Variants in DNMBP observed in about 807,000 individuals in gnomAD.
DNMBP encodes dynamin binding protein.
In DNMBP, 87 loss-of-function variants were observed where a neutral mutation model predicts 150.0. The observed-to-expected ratio is 0.58, with a 90% CI of 0.49 to 0.69. DNMBP has a LOEUF of 0.69. Ranked by LOEUF, DNMBP falls within the 30% of genes least tolerant of loss-of-function variation. DNMBP has a pLI of 0.00. For synonymous variants in DNMBP, 711 were observed against 750.4 expected (o/e 0.95, Z 0.86); for missense variants, 1,774 against 1,949.0 (o/e 0.91, Z 1.69).
At chr10:99,965,047 G>T (rs546321209) in intron 3 of DNMBP, among the ~76,000 whole-genome samples, 7 of 152,076 alleles carry the variant, frequency 4.6e-5, no homozygotes, top group Non-Finnish European at 8.8e-5. Context: ...AAACTTCACA[G>T]ACTTATCCCA....
At chr10:99,930,776 TAAAGAC>T in intron 4 of DNMBP, 2 of 641,182 alleles carry the variant, frequency 3.1e-6, no homozygotes, top group Middle Eastern at 2.5e-4. Flanking sequence ...TCTATGTGCT[TAAAGAC>T]AAAGGTTTTA....
rs1046218427 is a variant in DNMBP at position 99,929,713 on chromosome 10, T to C, written c.2261-20567A>G. 6 of 702,942 alleles carry C rather than the reference T, an allele frequency of 8.5e-6. No homozygotes were observed. In the African/African-American group the frequency reaches 1.0e-4, roughly 12 times the overall value. The allele number at this position is 702,942 out of a possible 1,614,324, so 43.5% of individuals were successfully genotyped here. A position where few individuals can be genotyped will look rare whatever the true frequency, so the allele number is the denominator to read the frequency against. On this transcript the variant is annotated intron_variant, in intron 4 of 16. Transcript: ENST00000324109. ...CTCCAAGTCTCTGGGCCATTTAATTTTTTCTCTTCCTCTAAATGCCAGATG... is the reference window on the plus strand; with the variant it reads ...CTCCAAGTCTCTGGGCCATTTAATTCTTTCTCTTCCTCTAAATGCCAGATG...
intron 1 of DNMBP, among the ~76,000 whole-genome samples, chr10:99,998,503 C>A (rs1178519594): frequency 6.7e-6 from 1 of 149,674 alleles, no homozygotes; most frequent in Non-Finnish European, 1.5e-5. Context: ...TCGCTAGAGC[C>A]CAGGAGGCAA....
Position 99,877,258 on chromosome 10 carries a change from G to C in DNMBP, c.4627C>G (p.Leu1543Val), listed in dbSNP as rs2039290644. ...SVSANQKLKI[L>V]EFKDVTGNTE... Reference sequence around the variant, plus strand: ...TTTCCTGTAACATCTTTAAACTCGAGGATCTTGAGTTTCTGATTGGCTGAC... The same window carrying C: ...TTTCCTGTAACATCTTTAAACTCGACGATCTTGAGTTTCTGATTGGCTGAC... The change falls in exon 17 of 17, where the codon CTC (leucine) becomes GTC (valine). Residue 1543 changes from leucine (L) to valine (V), a missense_variant. Leu to Val is a conservative substitution (Grantham distance 32, BLOSUM62 1). Around this residue, in one of 2 missense-constraint regions of DNMBP, gnomAD observed 1,430 missense variants for 1,492.5 expected, o/e 0.96. Coordinates refer to ENST00000324109, the MANE Select transcript of DNMBP (RefSeq NM_015221.4). 1 of 1,613,906 alleles carries C rather than the reference G, an allele frequency of 6.2e-7. No homozygotes were observed. The highest frequency in any genetic ancestry group is 8.5e-7 in the Non-Finnish European group (1 of 1,180,000).
chr10:99,915,202 TAC>T (rs1323231117), intron 4 of DNMBP, among the ~76,000 whole-genome samples: 142 of 121,156 alleles, frequency 1.2e-3, no homozygotes, highest in African/African-American at 4.5e-3. Context: ...TACACACATA[TAC>T]ATATATACAT....
rs186896104 is a variant in DNMBP at position 99,987,542 on chromosome 10, T to C, written c.-10-15408A>G. 2.6e-5 allele frequency among the ~76,000 whole-genome samples: 4 copies of C among 152,182 alleles called. 1 individual carries two copies. The East Asian group carries it at 7.7e-4, about 29-fold the overall frequency. On this transcript the variant is annotated intron_variant, in intron 1 of 16. Transcript: ENST00000324109. ...TGAGGTCAGGAGTTCGAGACCAACA[T>C]GGCCAACATGGCAAAACCCTGTCTC...
intron 1 of DNMBP, among the ~76,000 whole-genome samples, chr10:99,998,303 C>T (rs754090540): frequency 2.7e-5 from 4 of 150,852 alleles, no homozygotes; most frequent in Admixed American, 6.6e-5. Flanking sequence ...AACGGCCGGG[C>T]GCAGTGGCTC....
chr10:99,908,140 A>C (rs115746989), intron 5 of DNMBP, 46 bp from the exon 6 acceptor site: 2 of 1,363,168 alleles, frequency 1.5e-6, no homozygotes, highest in Admixed American at 1.7e-5. Context: ...AATGAGCTTA[A>C]TGGCATTTCA....
chr10:99,956,276 A>C lies in DNMBP; in HGVS notation c.1198T>G (p.Ser400Ala), dbSNP rs1405966152. The C allele has an allele frequency of 6.2e-7, 1 of 1,611,220 alleles. No homozygotes were observed. The highest frequency in any genetic ancestry group is 8.5e-7 in the Non-Finnish European group (1 of 1,179,532). Reference sequence around the variant, plus strand: ...ACTTCTGTAGGGTCAGATGTGGGAGAGTCTGTGGCAAGAGGCATTTCCCAC... The same window carrying C: ...ACTTCTGTAGGGTCAGATGTGGGAGCGTCTGTGGCAAGAGGCATTTCCCAC... ...VEWEMPLATD[S>A]PTSDPTEVVN... is the part of the protein sequence containing the mutation. Residue 400 changes from serine to alanine, a missense_variant, in exon 4 of 17, where the codon TCT becomes GCT. Ser to Ala is a moderately conservative substitution (Grantham distance 99). Around this residue, in one of 2 missense-constraint regions of DNMBP, gnomAD observed 1,430 missense variants for 1,492.5 expected, o/e 0.96. Coordinates refer to ENST00000324109, the MANE Select transcript of DNMBP (RefSeq NM_015221.4).
At chr10:99,964,884 AAATAT>A (rs753662125) in intron 3 of DNMBP, among the ~76,000 whole-genome samples, 2 of 134,708 alleles carry the variant, frequency 1.5e-5, no homozygotes, top group African/African-American at 5.8e-5. Context: ...GAAAAAAAAA[AAATAT>A]ATATATATAT....
At chr10:99,996,054 G>A (rs929841359) in intron 1 of DNMBP, among the ~76,000 whole-genome samples, 1 of 152,206 alleles carries the variant, frequency 6.6e-6, no homozygotes, top group Non-Finnish European at 1.5e-5. Context: ...ATTGTTAGCT[G>A]ATCACTGCAG....
At chr10:99,946,433 G>C (rs144147400) in intron 4 of DNMBP, among the ~76,000 whole-genome samples, 3 of 152,164 alleles carry the variant, frequency 2.0e-5, no homozygotes, top group Non-Finnish European at 4.4e-5. Context: ...CAATGGAACA[G>C]AACAGAAAAT....
At chr10:99,987,502 G>C (rs1220074466) in intron 1 of DNMBP, among the ~76,000 whole-genome samples, 1 of 152,186 alleles carries the variant, frequency 6.6e-6, no homozygotes, top group African/African-American at 2.4e-5. Flanking sequence ...GGGAGTCCAA[G>C]GCAGGTGGAT....
intron 4 of DNMBP, among the ~76,000 whole-genome samples, chr10:99,919,649 CG>C (rs1409803722): frequency 7.9e-5 from 12 of 152,154 alleles, no homozygotes; most frequent in Admixed American, 7.2e-4. Context: ...AAGAATTAGC[CG>C]GATGTGGTGG....
At chr10:99,932,302 C>G (rs1455404814) in intron 4 of DNMBP, among the ~76,000 whole-genome samples, 1 of 152,176 alleles carries the variant, frequency 6.6e-6, no homozygotes, top group Non-Finnish European at 1.5e-5. Flanking sequence ...GGAACTCAAT[C>G]TACCCATCAA....
chr10:99,956,904 T>C lies in DNMBP; in HGVS notation c.570A>G (p.Arg190=), dbSNP rs377550925. Residue 190 remains arginine (R), a synonymous_variant, in exon 4 of 17, where the codon CGA becomes CGG. Transcript: ENST00000324109. ...PGWFEGELEG[R]RGIFPEGFVE... ...CAAAACCTTCTGGAAAAATGCCTCT[T>C]CGGCCCTCTAACTCCCCTTCAAACC... The C allele has an allele frequency of 1.2e-6, 2 of 1,614,180 alleles. No homozygotes were observed. Among genetic ancestry groups the C allele is most frequent in the Non-Finnish European group, 1.7e-6 (2 of 1,180,032 alleles).
chr10:99,877,102 GGCGGAC>G lies in DNMBP; in HGVS notation c.*43_*48del. ...CTCTCGGTGGGCCGCCAGAACCCTC[GGCGGAC>G]TGAAAGCAAAGGCAGCAAGGCTGGG... is the stretch of plus-strand genomic sequence containing the variant. On this transcript the variant is annotated 3_prime_UTR_variant, in exon 17 of 17. Transcript: ENST00000324109. 1 of 1,385,248 alleles carries G rather than the reference GGCGGAC, an allele frequency of 7.2e-7. No individual in the cohort carries two copies. The highest frequency in any genetic ancestry group is 9.5e-7 in the Non-Finnish European group (1 of 1,054,522). The allele number at this position is 1,385,248 out of a possible 1,614,324, so 85.8% of individuals were successfully genotyped here.
chr10:99,889,030 AGCAGTCTTGG>A, intron 11 of DNMBP, 77 bp from the exon 12 acceptor site: 1 of 1,512,862 alleles, frequency 6.6e-7, no homozygotes, highest in Admixed American at 2.1e-5. Context: ...AAGACTGAAT[AGCAGTCTTGG>A]AAAAATGAGT....
At position 99,885,538 on chromosome 10, in the gene DNMBP, GA is replaced by G. The variant is rs1590210454; in HGVS notation, c.3798+148del. 39 of 734,206 alleles carry G rather than the reference GA, an allele frequency of 5.3e-5. No homozygotes were observed. The East Asian group carries it at 1.1e-3, about 20-fold the overall frequency. 45.5% of individuals were successfully genotyped at this position (734,206 alleles called of 1,614,324 possible). A position where few individuals can be genotyped will look rare whatever the true frequency, so the allele number is the denominator to read the frequency against. ...TCAAAAAAAAAAATGGCGAATGCAT[GA>G]GCCCATGATGGGTGAGAATGCAACA... On this transcript the variant is annotated intron_variant, in intron 14 of 16. Transcript: ENST00000324109.
Sources: allele counts gnomAD v4.1 joint callset (sites outside exome capture counted in the v4.1 genomes callset), GRCh38; gene constraint gnomAD v4.1.1; regional missense constraint gnomAD v4.1.1; transcripts MANE v1.5; gene names NCBI Gene and HGNC (gene_info 2026-07-23, HGNC 2026-07-21).